The following CACNA1C variants were observed in gnomAD, a reference collection of about 807,000 sequenced individuals.
The protein encoded by CACNA1C is voltage-dependent L-type calcium channel subunit alpha-1C.
Under a neutral mutation model 229.0 loss-of-function variants are expected in CACNA1C, and 30 were observed. The observed-to-expected ratio is 0.13, with a 90% CI of 0.10 to 0.18. CACNA1C has a LOEUF of 0.18. Among genes scored for constraint, CACNA1C ranks in the 10% least tolerant of loss-of-function variants. The pLI, the probability that CACNA1C is intolerant of heterozygous loss-of-function variation, is 1.00. For missense variants in CACNA1C, 1,658 were observed against 2,845.0 expected (o/e 0.58, Z 9.49); for synonymous variants, 1,114 against 1,132.5 (o/e 0.98, Z 0.33).
At chr12:2,593,802 T>A (rs1289326208) in intron 19 of CACNA1C, among the ~76,000 whole-genome samples, 1 of 152,258 alleles carries the variant, frequency 6.6e-6, no homozygotes. Context: ...TTTGGATATA[T>A]GTACACCTTA....
chr12:2,159,464 A>G (rs1016809383), intron 3 of CACNA1C, among the ~76,000 whole-genome samples: 3 of 152,150 alleles, frequency 2.0e-5, no homozygotes, highest in African/African-American at 7.2e-5. Flanking sequence ...TGATTGTACC[A>G]GCCTTGGGGA....
chr12:2,263,721 G>A (rs1298288188), intron 3 of CACNA1C, among the ~76,000 whole-genome samples: 1 of 151,922 alleles, frequency 6.6e-6, no homozygotes, highest in East Asian at 1.9e-4. Context: ...AAAGGAAGAG[G>A]GAAGATGGAC....
intron 1 of CACNA1C, among the ~76,000 whole-genome samples, chr12:2,019,754 G>C (rs1377155701): frequency 6.6e-6 from 1 of 152,114 alleles, no homozygotes. Flanking sequence ...AATATGTTAA[G>C]TATTTTTAAA....
chr12:2,144,627 G>T (rs372688223), intron 3 of CACNA1C, among the ~76,000 whole-genome samples: 1 of 151,138 alleles, frequency 6.6e-6, no homozygotes, highest in Non-Finnish European at 1.5e-5. Context: ...GACTATATTT[G>T]TTTTAAGTTA....
chr12:2,099,261 C>T (rs765970174), intron 1 of CACNA1C, among the ~76,000 whole-genome samples: 2 of 152,162 alleles, frequency 1.3e-5, no homozygotes, highest in Non-Finnish European at 2.9e-5. Flanking sequence ...TCAAACCAAC[C>T]GTCTTACTGT....
chr12:2,182,956 TTCTGAGCC>T (rs1205685941), intron 3 of CACNA1C, among the ~76,000 whole-genome samples: 1 of 152,236 alleles, frequency 6.6e-6, no homozygotes, highest in Non-Finnish European at 1.5e-5. Context: ...TCCTTAACCT[TTCTGAGCC>T]TCTGTTCTTC....
In CACNA1C at chr12:2,565,379, A is replaced by T. The variant is rs12812569; in HGVS notation, c.1509-1043A>T. ...CTACTCGGGAGGCTGAGGCAGGAGA[A>T]TGGCGTGAACCCGGGAAGCGGAGCT... On this transcript the variant is annotated intron_variant, in intron 11 of 46. Transcript: ENST00000399655. 3.3e-5 allele frequency among the ~76,000 whole-genome samples: 5 copies of T among 151,036 alleles called. No homozygotes were observed. The East Asian group carries it at 9.8e-4, about 29-fold the overall frequency.
rs987290591 is a variant in CACNA1C, at chr12:2,135,095, G to A, written c.477+14665G>A. On this transcript the variant is annotated intron_variant, in intron 3 of 46. Coordinates refer to ENST00000399655, the MANE Select transcript of CACNA1C (RefSeq NM_000719.7). ...CTGACACCCTTTCTTCCAGTTGATC[G>A]CATCAGCTCCTGAGGCTTCTGCATT... Among the ~76,000 whole-genome samples, 16 of 147,560 alleles carry A rather than the reference G, an allele frequency of 1.1e-4. 1 individual carries two copies. The highest frequency in any genetic ancestry group is 2.1e-4 in the South Asian group (1 of 4,668).
intron 1 of CACNA1C, among the ~76,000 whole-genome samples, chr12:2,066,323 A>C (rs1251730862): frequency 6.6e-6 from 1 of 152,080 alleles, no homozygotes; most frequent in Non-Finnish European, 1.5e-5. Flanking sequence ...GAGAGAGCAG[A>C]GGGAAGGAAC....
At chr12:1,993,167 G>T in intron 1 of CACNA1C, 1 of 1,546,784 alleles carries the variant, frequency 6.5e-7, no homozygotes, top group Non-Finnish European at 8.9e-7. Flanking sequence ...CATAGCCACT[G>T]ATACCAAATG....
intron 3 of CACNA1C, among the ~76,000 whole-genome samples, chr12:2,138,604 C>T (rs187649681): frequency 6.6e-5 from 10 of 151,100 alleles, no homozygotes; most frequent in South Asian, 2.1e-4. Flanking sequence ...GTCACTTCCA[C>T]GCTTCCTGCC....
intron 3 of CACNA1C, among the ~76,000 whole-genome samples, chr12:2,295,590 G>A (rs888777479): frequency 6.6e-6 from 1 of 152,196 alleles, no homozygotes; most frequent in Non-Finnish European, 1.5e-5. Flanking sequence ...CACAGCTGAC[G>A]GGGCCAAATA....
chr12:2,191,908 A>C (rs963072273), intron 3 of CACNA1C, among the ~76,000 whole-genome samples: 7 of 124,728 alleles, frequency 5.6e-5, no homozygotes, highest in African/African-American at 1.9e-4. Flanking sequence ...ACATGCACAC[A>C]TGGTCTCACA....
chr12:1,986,965 C>CA (rs917596065), intron 1 of CACNA1C, among the ~76,000 whole-genome samples: 1 of 152,032 alleles, frequency 6.6e-6, no homozygotes, highest in Non-Finnish European at 1.5e-5. Flanking sequence ...TGAAACATCC[C>CA]AAGTAACACA....
At chr12:1,988,014 T>C (rs182219957) in intron 1 of CACNA1C, among the ~76,000 whole-genome samples, 8 of 152,302 alleles carry the variant, frequency 5.3e-5, no homozygotes, top group Non-Finnish European at 1.0e-4. Context: ...ATTCACCCTT[T>C]GACTTTAATT....
chr12:2,079,465 T>G (rs2154043925), intron 1 of CACNA1C, among the ~76,000 whole-genome samples: 1 of 152,258 alleles, frequency 6.6e-6, no homozygotes, highest in South Asian at 2.1e-4. Flanking sequence ...GATGACTGCC[T>G]TCTCATTGTC....
rs372810217 is a variant in CACNA1C, at chr12:2,369,403, C to CTTTTT, written c.478-79564_478-79560dup. 1.2e-3 allele frequency among the ~76,000 whole-genome samples: 170 copies of CTTTTT among 142,048 alleles called. 7 individuals are homozygous for CTTTTT. The highest frequency in any genetic ancestry group is 1.6e-3 in the South Asian group (7 of 4,500). The allele number at this position is 142,048 out of a possible 152,430, so 93.2% of individuals were successfully genotyped here. A position where few individuals can be genotyped will look rare whatever the true frequency, so the allele number is the denominator to read the frequency against. ...TTGGAAATAAAATAACTTTACATAC[C>CTTTTT]TTTTTTTTTTTTTGAGACAAAGTCT... On this transcript the variant is annotated intron_variant, in intron 3 of 46. Coordinates refer to ENST00000399655, the MANE Select transcript of CACNA1C (RefSeq NM_000719.7).
chr12:2,548,521 G>C (rs1016430158), intron 9 of CACNA1C, among the ~76,000 whole-genome samples: 1 of 152,122 alleles, frequency 6.6e-6, no homozygotes, highest in Non-Finnish European at 1.5e-5. Flanking sequence ...AGGAGGACGA[G>C]TTAGAGCCAG....
At chr12:2,009,119 G>A (rs1246353604) in intron 1 of CACNA1C, among the ~76,000 whole-genome samples, 1 of 152,126 alleles carries the variant, frequency 6.6e-6, no homozygotes, top group Non-Finnish European at 1.5e-5. Flanking sequence ...ATGATACCTT[G>A]GACAAATATT....
Sources: allele counts gnomAD v4.1 joint callset (sites outside exome capture counted in the v4.1 genomes callset), GRCh38; gene constraint gnomAD v4.1.1; transcripts MANE v1.5; gene names NCBI Gene and HGNC (gene_info 2026-07-23, HGNC 2026-07-21).